The following SRBD1 variants were observed in gnomAD, a reference collection of about 807,000 sequenced individuals.
The protein encoded by SRBD1 is S1 RNA binding domain 1.
In SRBD1, 88 loss-of-function variants were observed where a neutral mutation model predicts 115.3. The observed-to-expected ratio is 0.76, with a 90% CI of 0.64 to 0.91. The LOEUF (loss-of-function observed/expected upper bound fraction) is 0.91, where lower values mean the gene tolerates loss of function less well. SRBD1 is among the 40% of genes least tolerant of loss of function. The pLI is 0.00. For synonymous variants in SRBD1, 509 were observed against 407.7 expected (o/e 1.25, Z -2.99); for missense variants, 1,385 against 1,177.4 (o/e 1.18, Z -2.58).
At chr2:45,571,537 A>AAAAAAC (rs779778228) in intron 9 of SRBD1, among the ~76,000 whole-genome samples, 2,601 of 143,272 alleles carry the variant, frequency 0.018, 96 homozygotes, top group East Asian at 0.066. Flanking sequence ...AAAAAAAAAA[A>AAAAAAC]AAAAACTGTC....
chr2:45,493,918 T>C (rs1402872091), intron 14 of SRBD1, among the ~76,000 whole-genome samples: 1 of 152,116 alleles, frequency 6.6e-6, no homozygotes, highest in African/African-American at 2.4e-5. Context: ...CAGAACTCTT[T>C]GGATGGTAAA....
At chr2:45,428,753 G>T (rs552545631) in intron 16 of SRBD1, among the ~76,000 whole-genome samples, 2 of 151,968 alleles carry the variant, frequency 1.3e-5, no homozygotes, top group African/African-American at 4.8e-5. Context: ...ACAATTAAAA[G>T]AACTAGAGAA....
intron 16 of SRBD1, among the ~76,000 whole-genome samples, chr2:45,421,393 G>A (rs1350460303): frequency 6.6e-6 from 1 of 151,524 alleles, no homozygotes; most frequent in Non-Finnish European, 1.5e-5. Flanking sequence ...TGTAGTCCCA[G>A]CTACTCCAGA....
At chr2:45,607,129 T>C (rs1423643297) in intron 1 of SRBD1, among the ~76,000 whole-genome samples, 2 of 152,222 alleles carry the variant, frequency 1.3e-5, no homozygotes, top group African/African-American at 4.8e-5. Flanking sequence ...TTTGGCATAT[T>C]AGGTTATAAA....
intron 11 of SRBD1, among the ~76,000 whole-genome samples, chr2:45,552,061 G>T (rs929734178): frequency 1.3e-5 from 2 of 152,152 alleles, no homozygotes; most frequent in African/African-American, 4.8e-5. Flanking sequence ...ATAGCACTTT[G>T]TAACTGACAA....
rs541487788 is a variant in SRBD1 at position 45,564,164 on chromosome 2, C to G, written c.1306-1408G>C. ...ATCTAAAAAATCAATTAACCTAACA[C>G]ATTATATCAATAGAATAAATAACAA... On this transcript the variant is annotated intron_variant, in intron 9 of 20. Transcript: ENST00000263736. 2.0e-5 allele frequency among the ~76,000 whole-genome samples: 3 copies of G among 152,282 alleles called. No homozygotes were observed. The East Asian group carries it at 5.8e-4, about 29-fold the overall frequency.
chr2:45,485,788 C>T (rs1386332658), intron 15 of SRBD1, among the ~76,000 whole-genome samples: 1 of 151,974 alleles, frequency 6.6e-6, no homozygotes, highest in Admixed American at 6.6e-5. Flanking sequence ...TCTCACATAA[C>T]GTAAAAAGTC....
At chr2:45,414,503 G>A (rs528185372) in intron 18 of SRBD1, among the ~76,000 whole-genome samples, 1 of 151,108 alleles carries the variant, frequency 6.6e-6, no homozygotes, top group East Asian at 2.0e-4. Flanking sequence ...TATATAGTGT[G>A]TGTGTACACA....
chr2:45,390,905 A>G (rs566473144), intron 20 of SRBD1, among the ~76,000 whole-genome samples: 1 of 152,240 alleles, frequency 6.6e-6, no homozygotes, highest in Non-Finnish European at 1.5e-5. Flanking sequence ...ATTTTACCTG[A>G]TGCTAAAGCA....
chr2:45,392,813 T>C (rs182463494), intron 20 of SRBD1, 132 bp downstream of exon 20: 149 of 935,696 alleles, frequency 1.6e-4, no homozygotes, highest in Non-Finnish European at 7.7e-6. Context: ...ATCACCATGC[T>C]TTATTTTTCT....
intron 4 of SRBD1, among the ~76,000 whole-genome samples, chr2:45,586,015 T>G (rs988294662): frequency 6.6e-6 from 1 of 152,160 alleles, no homozygotes; most frequent in African/African-American, 2.4e-5. Flanking sequence ...CAAATTCCAG[T>G]GTTCAATGAG....
chr2:45,435,271 A>G (rs867530511), intron 16 of SRBD1, among the ~76,000 whole-genome samples: 61 of 152,142 alleles, frequency 4.0e-4, no homozygotes, highest in African/African-American at 1.4e-3. Flanking sequence ...TTCCAGGGAG[A>G]GGGAAACTAC....
chr2:45,510,223 T>C (rs1212115800), intron 14 of SRBD1, among the ~76,000 whole-genome samples: 6 of 152,196 alleles, frequency 3.9e-5, no homozygotes, highest in African/African-American at 1.2e-4. Context: ...TTCTGTTATA[T>C]AGAGATATAC....
At position 45,601,975 on chromosome 2, in the gene SRBD1, C is replaced by G. The variant is rs1337717772; in HGVS notation, c.189G>C (p.Arg63Ser). The change falls in exon 3 of 21, where the codon AGG (arginine) becomes AGC (serine). Residue 63 changes from arginine to serine, a missense_variant. Arg to Ser is a moderately radical substitution (Grantham distance 110, BLOSUM62 -1). Coordinates refer to ENST00000263736, the MANE Select transcript of SRBD1 (RefSeq NM_018079.5). ...QPPPKESKPKRMPRVKKNAPQ... is the reference protein window; with the variant it reads ...QPPPKESKPKSMPRVKKNAPQ... ...GGGCATTCTTCTTCACCCGAGGCAT[C>G]CTCTTTGGTTTGGATTCCTTGGGAG... 6.2e-7 allele frequency: 1 copy of G among 1,614,228 alleles called. No homozygotes were observed. The highest frequency in any genetic ancestry group is 1.7e-5 in the Admixed American group (1 of 60,026).
chr2:45,516,475 A>G (rs1671121360), intron 14 of SRBD1, among the ~76,000 whole-genome samples: 1 of 152,186 alleles, frequency 6.6e-6, no homozygotes, highest in African/African-American at 2.4e-5. Context: ...TAATGAGTGA[A>G]GGAAAAAACA....
chr2:45,476,930 A>T (rs1346668755), intron 16 of SRBD1, 63 bp downstream of exon 16: 3 of 1,440,230 alleles, frequency 2.1e-6, no homozygotes, highest in Non-Finnish European at 9.7e-7. Flanking sequence ...TTACTATCCC[A>T]GGTTTGAGTA....
chr2:45,576,738 T>A (rs1176044661), intron 7 of SRBD1, among the ~76,000 whole-genome samples: 6 of 152,130 alleles, frequency 3.9e-5, no homozygotes, highest in Admixed American at 2.6e-4. Flanking sequence ...GTTCCAAGTA[T>A]CCCAGAGCAT....
chr2:45,436,837 T>C (rs556661645), intron 16 of SRBD1, among the ~76,000 whole-genome samples: 58 of 152,280 alleles, frequency 3.8e-4, no homozygotes, highest in African/African-American at 1.3e-3. Context: ...AAACTCTTTG[T>C]TCACAGATAA....
chr2:45,441,052 T>C lies in SRBD1; in HGVS notation c.2050-21158A>G, dbSNP rs867415337. Among the ~76,000 whole-genome samples the C allele has an allele frequency of 3.3e-5, 5 of 152,248 alleles. No homozygotes were observed. The South Asian group carries it at 6.2e-4, about 19-fold the overall frequency. On this transcript the variant is annotated intron_variant, in intron 16 of 20. Coordinates refer to ENST00000263736, the MANE Select transcript of SRBD1 (RefSeq NM_018079.5). ...TTTTCTCTTCCCAAATACACATACA[T>C]GTATGTGGCCACACATGTAGTCAGA...
Sources: gnomAD v4.1 joint callset for allele counts (sites outside exome capture counted in the v4.1 genomes callset) on GRCh38, gnomAD v4.1.1 for gene constraint, MANE v1.5 for transcripts, NCBI Gene and HGNC (gene_info 2026-07-23, HGNC 2026-07-21) for gene names.